The following ITPRIPL2 variants were observed in gnomAD, a reference collection of about 807,000 sequenced individuals.
The protein encoded by ITPRIPL2 is inositol 1,4,5-trisphosphate receptor-interacting protein-like 2.
ITPRIPL2 carries 29 observed loss-of-function variants against 31.7 expected under a neutral mutation model. The ratio of observed to expected loss-of-function variants is 0.91; its 90% CI spans 0.68 to 1.25. The LOEUF is 1.25. ITPRIPL2 is among the 50% of genes most tolerant of loss of function. ITPRIPL2 has a pLI of 0.00. For synonymous variants in ITPRIPL2, 344 were observed against 343.4 expected (o/e 1.00, Z -0.02); for missense variants, 696 against 739.1 (o/e 0.94, Z 0.68).
rs1429186467 is a variant in ITPRIPL2, at chr16:19,114,706, A to G, written c.245A>G (p.Glu82Gly). ...QRFLPGSPRL[E>G]GHAAFSSRHF... ...TTCCTGCCCGGGTCTCCCCGTCTGG[A>G]GGGTCACGCCGCCTTCTCCTCGAGA... The change falls in exon 1 of 1, where the codon GAG becomes GGG. Residue 82 changes from glutamate (E) to glycine (G), a missense_variant. Transcript: ENST00000381440. 3 of 1,612,588 alleles carry G rather than the reference A, an allele frequency of 1.9e-6. No homozygotes were observed. Among genetic ancestry groups the G allele is most frequent in the Non-Finnish European group, 2.5e-6 (3 of 1,179,818 alleles).
In ITPRIPL2 at chr16:19,119,189, AAGG is replaced by A; in HGVS notation, c.*3123_*3125del. The A allele has an allele frequency of 2.4e-6, 1 of 412,168 alleles. No homozygotes were observed. Among genetic ancestry groups the A allele is most frequent in the Admixed American group, 4.4e-5 (1 of 22,706 alleles). The allele number at this position is 412,168 out of a possible 1,614,324, so 25.5% of individuals were successfully genotyped here. ...GCAAAATGAAACTGAAGCTGAAAGA[AAGG>A]AGAATTCGAGTGAACCAAGAGAAAT... On this transcript the variant is annotated 3_prime_UTR_variant, in exon 1 of 1. Coordinates refer to ENST00000381440, the MANE Select transcript of ITPRIPL2 (RefSeq NM_001034841.4).
chr16:19,118,986 G>C lies in ITPRIPL2; in HGVS notation c.*2917G>C, dbSNP rs1009592500. The C allele has an allele frequency of 7.3e-6, 3 of 413,494 alleles. No homozygotes were observed. The highest frequency in any genetic ancestry group is 1.3e-5 in the Non-Finnish European group (3 of 226,142). The allele number at this position is 413,494 out of a possible 1,614,324, so 25.6% of individuals were successfully genotyped here. ...CATATATGCAAATATTCTCATGCAA[G>C]AAGTTCCACAGTAACAACAGCAAAA... On this transcript the variant is annotated 3_prime_UTR_variant, in exon 1 of 1. Transcript: ENST00000381440.
In ITPRIPL2 at chr16:19,121,396, G is replaced by A. The variant is rs1316078470; in HGVS notation, c.*5327G>A. ...GCAGTCTGGCGGCTGCAGGCATAGC[G>A]TCGGTTTTGTTCCAATAACAGAGAC... On this transcript the variant is annotated 3_prime_UTR_variant, in exon 1 of 1. Transcript: ENST00000381440. The A allele has an allele frequency of 6.0e-6, 1 of 166,974 alleles. No individual in the cohort carries two copies. Among genetic ancestry groups the A allele is most frequent in the Non-Finnish European group, 1.5e-5 (1 of 68,102 alleles). The allele number at this position is 166,974 out of a possible 1,614,324, so 10.3% of individuals were successfully genotyped here. A position where few individuals can be genotyped will look rare whatever the true frequency, so the allele number is the denominator to read the frequency against.
rs1963479176 is a variant in ITPRIPL2 at position 19,119,014 on chromosome 16, A to T, written c.*2945A>T. On this transcript the variant is annotated 3_prime_UTR_variant, in exon 1 of 1. Coordinates refer to ENST00000381440, the MANE Select transcript of ITPRIPL2 (RefSeq NM_001034841.4). ...GTTCCACAGTAACAACAGCAAAAAG[A>T]AAAAATTAGTTGTCCAGCCAGTGCT... 1 of 413,412 alleles carries T rather than the reference A, an allele frequency of 2.4e-6. No homozygotes were observed. The highest frequency in any genetic ancestry group is 4.4e-6 in the Non-Finnish European group (1 of 226,166). 25.6% of individuals were successfully genotyped at this position (413,412 alleles called of 1,614,324 possible).
chr16:19,118,451 C>T lies in ITPRIPL2; in HGVS notation c.*2382C>T, dbSNP rs1316278064. 16 of 130,850 alleles carry T rather than the reference C, an allele frequency of 1.2e-4. No homozygotes were observed. Among genetic ancestry groups the T allele is most frequent in the African/African-American group, 4.0e-4 (13 of 32,524 alleles). 8.1% of individuals were successfully genotyped at this position (130,850 alleles called of 1,614,324 possible). A position where few individuals can be genotyped will look rare whatever the true frequency, so the allele number is the denominator to read the frequency against. On this transcript the variant is annotated 3_prime_UTR_variant, in exon 1 of 1. Transcript: ENST00000381440. The stretch of plus-strand genomic sequence containing the variant: ...CTGCACTCCAGCCTGGGTGACCGAG[C>T]GAGACTCCGTCTCAAAAAAAAAAAA...
At position 19,119,266 on chromosome 16, in the gene ITPRIPL2, G is replaced by GGAAGGGGAAAT. The variant is rs1197872621; in HGVS notation, c.*3202_*3212dup. ...TTAAGATGAAAGTGAAGCAAGAGAG[G>GGAAGGGGAAAT]GAAGGGGAAATGAAGTGAAAATGGC... On this transcript the variant is annotated 3_prime_UTR_variant, in exon 1 of 1. Transcript: ENST00000381440. 2.2e-5 allele frequency: 9 copies of GGAAGGGGAAAT among 404,160 alleles called. No homozygotes were observed. In the East Asian group the frequency reaches 3.3e-4, roughly 15 times the overall value. 25.0% of individuals were successfully genotyped at this position (404,160 alleles called of 1,614,324 possible). A position where few individuals can be genotyped will look rare whatever the true frequency, so the allele number is the denominator to read the frequency against.
In ITPRIPL2 at chr16:19,119,062, G is replaced by A; in HGVS notation, c.*2993G>A. The stretch of plus-strand genomic sequence containing the variant: ...GCTGGAGGAAAATGTTTCTGGGGAA[G>A]ATGACTCAGTCATTTTGTGGCGAGA... On this transcript the variant is annotated 3_prime_UTR_variant, in exon 1 of 1. Coordinates refer to ENST00000381440, the MANE Select transcript of ITPRIPL2 (RefSeq NM_001034841.4). 2.4e-6 allele frequency: 1 copy of A among 413,518 alleles called. No homozygotes were observed. Among genetic ancestry groups the A allele is most frequent in the Non-Finnish European group, 4.4e-6 (1 of 226,154 alleles). The allele number at this position is 413,518 out of a possible 1,614,324, so 25.6% of individuals were successfully genotyped here.
rs1047811103 is a variant in ITPRIPL2 at position 19,117,804 on chromosome 16, C to G, written c.*1735C>G. 6.0e-6 allele frequency: 1 copy of G among 166,914 alleles called. No individual in the cohort carries two copies. The highest frequency in any genetic ancestry group is 2.4e-5 in the African/African-American group (1 of 41,396). 10.3% of individuals were successfully genotyped at this position (166,914 alleles called of 1,614,324 possible). ...GTGATTTACAGGAATCCTTCTCCTC[C>G]AAGCTGCATTGGCTTCTTATATCCT... On this transcript the variant is annotated 3_prime_UTR_variant, in exon 1 of 1. Transcript: ENST00000381440.
At position 19,119,823 on chromosome 16, in the gene ITPRIPL2, A is replaced by G. The variant is rs957400577; in HGVS notation, c.*3754A>G. ...AGCTGCTCTTTTTGAGTCAGATCCTACATCAAACCACTTAGGGCCAGTTTT... is the reference window on the plus strand; with the variant it reads ...AGCTGCTCTTTTTGAGTCAGATCCTGCATCAAACCACTTAGGGCCAGTTTT... On this transcript the variant is annotated 3_prime_UTR_variant, in exon 1 of 1. Transcript: ENST00000381440. The G allele has an allele frequency of 4.8e-5, 8 of 167,034 alleles. No homozygotes were observed. Among genetic ancestry groups the G allele is most frequent in the Non-Finnish European group, 1.0e-4 (7 of 68,118 alleles). 10.3% of individuals were successfully genotyped at this position (167,034 alleles called of 1,614,324 possible). A position where few individuals can be genotyped will look rare whatever the true frequency, so the allele number is the denominator to read the frequency against.
chr16:19,114,803 C>T lies in ITPRIPL2; in HGVS notation c.342C>T (p.His114=), dbSNP rs1324498140. 5 of 1,610,058 alleles carry T rather than the reference C, an allele frequency of 3.1e-6. No homozygotes were observed. The highest frequency in any genetic ancestry group is 3.4e-6 in the Non-Finnish European group (4 of 1,178,810). The change falls in exon 1 of 1, where the codon CAC becomes CAT. Residue 114 remains histidine (H), a synonymous_variant. Transcript: ENST00000381440. ...YYEHEVRLSP[H]VLGHSKAHVS... The stretch of plus-strand genomic sequence containing the variant: ...AGCATGAGGTGCGCCTGTCTCCGCA[C>T]GTGTTGGGCCACAGCAAGGCGCACG...
chr16:19,114,759 C>G lies in ITPRIPL2; in HGVS notation c.298C>G (p.Leu100Val). The change falls in exon 1 of 1, where the codon CTG becomes GTG. Residue 100 changes from leucine to valine, a missense_variant. Physicochemically the swap from Leu to Val is conservative, Grantham distance 32. Transcript: ENST00000381440. Reference sequence around the variant, plus strand: ...CTTCCGAGAGCCGGGCCTCAGCATCCTGCTGGAGAGTTACTACGAGCATGA... The same window carrying G: ...CTTCCGAGAGCCGGGCCTCAGCATCGTGCTGGAGAGTTACTACGAGCATGA... ...RHFREPGLSI[L>V]LESYYEHEVR... The G allele has an allele frequency of 1.2e-6, 2 of 1,612,682 alleles. No individual in the cohort carries two copies. Among genetic ancestry groups the G allele is most frequent in the Non-Finnish European group, 1.7e-6 (2 of 1,179,868 alleles).
At position 19,120,627 on chromosome 16, in the gene ITPRIPL2, T is replaced by TATATATATATATATA. The variant is rs1567552790; in HGVS notation, c.*4558_*4559insATATATATATATATA. 35 of 77,902 alleles carry TATATATATATATATA rather than the reference T, an allele frequency of 4.5e-4. No homozygotes were observed. Among genetic ancestry groups the TATATATATATATATA allele is most frequent in the African/African-American group, 1.8e-3 (30 of 16,302 alleles). 4.8% of individuals were successfully genotyped at this position (77,902 alleles called of 1,614,324 possible). On this transcript the variant is annotated 3_prime_UTR_variant, in exon 1 of 1. Coordinates refer to ENST00000381440, the MANE Select transcript of ITPRIPL2 (RefSeq NM_001034841.4). Reference sequence around the variant, plus strand: ...AATATATATATATATATATATATATTTTTTTTTTTTTTTTTTAGTAGAGAT... The same window carrying TATATATATATATATA: ...AATATATATATATATATATATATATTATATATATATATATATTTTTTTTTTTTTTTTAGTAGAGAT...
chr16:19,115,860 C>T lies in ITPRIPL2; in HGVS notation c.1399C>T (p.Pro467Ser), dbSNP rs1370054013. Reference sequence around the variant, plus strand: ...TGGTGGGGCGGCTGCCGAGGTGGGTCCCCTGCCCAAGGCACTGAGGGAAGC... The same window carrying T: ...TGGTGGGGCGGCTGCCGAGGTGGGTTCCCTGCCCAAGGCACTGAGGGAAGC... ...GPGGAAAEVG[P>S]LPKALREAAP... is the part of the protein sequence containing the mutation. Residue 467 changes from proline to serine, a missense_variant, in exon 1 of 1, where the codon CCC (proline) becomes TCC (serine). Physicochemically the swap from Pro to Ser is moderately conservative, Grantham distance 74. Transcript: ENST00000381440. 4.3e-6 allele frequency: 7 copies of T among 1,612,038 alleles called. No homozygotes were observed. The East Asian group carries it at 8.9e-5, about 21-fold the overall frequency.
chr16:19,115,222 G>A lies in ITPRIPL2; in HGVS notation c.761G>A (p.Trp254Ter). ...CTCTCTGCTACTCTGGTGCTGCGCT[G>A]GTTCCAGTCGCATCTGCAGCGCTCC... ...RHLSATLVLR[W>*]FQSHLQRSLA... Residue 254 changes from tryptophan to a stop codon, truncating the protein, a stop_gained, in exon 1 of 1, where the codon TGG (tryptophan) becomes TAG (stop). Transcript: ENST00000381440. LOFTEE classifies it high-confidence loss of function. 1 of 1,609,994 alleles carries A rather than the reference G, an allele frequency of 6.2e-7. No individual in the cohort carries two copies. The highest frequency in any genetic ancestry group is 8.5e-7 in the Non-Finnish European group (1 of 1,180,010).
rs1297088975 is a variant in ITPRIPL2, at chr16:19,121,039, A to T, written c.*4970A>T. On this transcript the variant is annotated 3_prime_UTR_variant, in exon 1 of 1. Transcript: ENST00000381440. ...ACAAGTTCAGTGTTATCATCGTGGC[A>T]TTCGTTAGTTTTTTTTTTTTTAAAT... is the stretch of plus-strand genomic sequence containing the variant. 3 of 165,334 alleles carry T rather than the reference A, an allele frequency of 1.8e-5. No individual in the cohort carries two copies. Among genetic ancestry groups the T allele is most frequent in the African/African-American group, 7.3e-5 (3 of 41,112 alleles). 10.2% of individuals were successfully genotyped at this position (165,334 alleles called of 1,614,324 possible).
rs1396117681 is a variant in ITPRIPL2, at chr16:19,114,527, C to T, written c.66C>T (p.Ala22=). ...CCCTGGTGACCGGCCTGTGCACCGCCCTGGTGTGCCTCTACCATGTCCTGC... is the reference window on the plus strand; with the variant it reads ...CCCTGGTGACCGGCCTGTGCACCGCTCTGGTGTGCCTCTACCATGTCCTGC... ...FWPLVTGLCT[A]LVCLYHVLRG... The change falls in exon 1 of 1, where the codon GCC becomes GCT. Residue 22 remains alanine, a synonymous_variant. Transcript: ENST00000381440. 2 of 1,495,006 alleles carry T rather than the reference C, an allele frequency of 1.3e-6. No individual in the cohort carries two copies. Among genetic ancestry groups the T allele is most frequent in the Admixed American group, 2.3e-5 (1 of 43,386 alleles). 92.6% of individuals were successfully genotyped at this position (1,495,006 alleles called of 1,614,324 possible).
Position 19,114,474 on chromosome 16 carries a change from T to C in ITPRIPL2, c.13T>C (p.Tyr5His), listed in dbSNP as rs932786272. 1.4e-6 allele frequency: 2 copies of C among 1,439,352 alleles called. No homozygotes were observed. Among genetic ancestry groups the C allele is most frequent in the Non-Finnish European group, 9.1e-7 (1 of 1,095,582 alleles). The allele number at this position is 1,439,352 out of a possible 1,614,324, so 89.2% of individuals were successfully genotyped here. A position where few individuals can be genotyped will look rare whatever the true frequency, so the allele number is the denominator to read the frequency against. MSVH[Y>H]TLNLRVFWPL... ...CCGGGCGCCCGGCATGTCGGTGCAC[T>C]ACACCCTCAATCTACGCGTCTTCTG... Residue 5 changes from tyrosine (Y) to histidine (H), a missense_variant, in exon 1 of 1, where the codon TAC (tyrosine) becomes CAC (histidine). Coordinates refer to ENST00000381440, the MANE Select transcript of ITPRIPL2 (RefSeq NM_001034841.4).
At position 19,114,821 on chromosome 16, in the gene ITPRIPL2, G is replaced by A. The variant is rs1963412994; in HGVS notation, c.360G>A (p.Lys120=). The A allele has an allele frequency of 6.2e-7, 1 of 1,607,546 alleles. No individual in the cohort carries two copies. The highest frequency in any genetic ancestry group is 8.5e-7 in the Non-Finnish European group (1 of 1,177,524). Residue 120 remains lysine (K), a synonymous_variant, in exon 1 of 1, where the codon AAG becomes AAA. Coordinates refer to ENST00000381440, the MANE Select transcript of ITPRIPL2 (RefSeq NM_001034841.4). ...CTCCGCACGTGTTGGGCCACAGCAA[G>A]GCGCACGTGAGCCGGATCGTGGGCG... ...RLSPHVLGHS[K]AHVSRIVGEL...
Position 19,114,480 on chromosome 16 carries a change from C to G in ITPRIPL2, c.19C>G (p.Leu7Val). The G allele has an allele frequency of 1.4e-6, 2 of 1,443,954 alleles. No individual in the cohort carries two copies. The highest frequency in any genetic ancestry group is 1.8e-6 in the Non-Finnish European group (2 of 1,097,586). 89.4% of individuals were successfully genotyped at this position (1,443,954 alleles called of 1,614,324 possible). ...GCCCGGCATGTCGGTGCACTACACC[C>G]TCAATCTACGCGTCTTCTGGCCCCT... MSVHYT[L>V]NLRVFWPLVT... The change falls in exon 1 of 1, where the codon CTC becomes GTC. Residue 7 changes from leucine to valine, a missense_variant. Transcript: ENST00000381440.
Sources: gnomAD v4.1 joint callset for allele counts on GRCh38, gnomAD v4.1.1 for gene constraint, MANE v1.5 for transcripts, NCBI Gene and HGNC (gene_info 2026-07-23, HGNC 2026-07-21) for gene names.